The following DMD variants were observed in gnomAD, a reference collection of about 807,000 sequenced individuals.
The protein encoded by DMD is mutant dystrophin.
DMD carries 63 observed loss-of-function variants against 330.1 expected under a neutral mutation model. The observed-to-expected ratio is 0.19, with a 90% CI of 0.16 to 0.24. The LOEUF is 0.24. DMD is among the 10% of genes least tolerant of loss of function. The probability of loss-of-function intolerance (pLI) is 1.00; values close to 1 mark genes in which losing one functional copy is unlikely to be tolerated. For missense variants in DMD, 3,344 were observed against 2,684.1 expected (o/e 1.25, Z -5.43); for synonymous variants, 1,223 against 959.8 (o/e 1.27, Z -5.07).
At chrX:32,442,633 C>T (rs12689256) in intron 27 of DMD, among the ~76,000 whole-genome samples, 34,943 of 109,741 alleles carry the variant, frequency 0.32, 4,621 homozygotes, top group East Asian at 0.71. Flanking sequence ...AAGACAACAA[C>T]TCCACTTTTT....
intron 45 of DMD, among the ~76,000 whole-genome samples, chrX:31,947,339 G>T (rs1354488255): frequency 2.1e-4 from 24 of 111,737 alleles, no homozygotes; most frequent in Non-Finnish European, 5.6e-5. Flanking sequence ...TGCCCAAGCT[G>T]GTCTTGAACT....
chrX:31,426,964 C>T (rs948861034), intron 60 of DMD, among the ~76,000 whole-genome samples: 2 of 112,223 alleles, frequency 1.8e-5, no homozygotes, highest in African/African-American at 6.5e-5. Context: ...GAATATTTTA[C>T]ATTAAAAACT....
intron 41 of DMD, among the ~76,000 whole-genome samples, chrX:32,311,573 T>C (rs1311784810): frequency 2.7e-5 from 3 of 111,676 alleles, no homozygotes; most frequent in Non-Finnish European, 5.7e-5. Context: ...ATTATACCTT[T>C]TACAACATTT....
intron 41 of DMD, among the ~76,000 whole-genome samples, chrX:32,340,148 C>T (rs2097734299): frequency 9.0e-6 from 1 of 111,443 alleles, no homozygotes; most frequent in African/African-American, 3.3e-5. Context: ...ACCTATATAC[C>T]TACTTATCAT....
intron 44 of DMD, among the ~76,000 whole-genome samples, chrX:32,050,042 T>C (rs1300609425): frequency 8.9e-6 from 1 of 111,958 alleles, no homozygotes; most frequent in East Asian, 2.8e-4. Context: ...CTGACAGTTT[T>C]TTAATAAACG....
At chrX:32,194,064 C>T (rs978599654) in intron 44 of DMD, among the ~76,000 whole-genome samples, 6 of 112,341 alleles carry the variant, frequency 5.3e-5, no homozygotes, top group African/African-American at 1.6e-4. Context: ...GTGAGTATAA[C>T]TTTCAATTAT....
chrX:32,717,013 C>T (rs1004078009), intron 7 of DMD, among the ~76,000 whole-genome samples: 1 of 110,524 alleles, frequency 9.0e-6, no homozygotes, highest in African/African-American at 3.3e-5. Context: ...GAAACTGGAA[C>T]TTATATTTAA....
intron 52 of DMD, among the ~76,000 whole-genome samples, chrX:31,720,421 C>T (rs755594717): frequency 2.7e-5 from 3 of 111,450 alleles, no homozygotes; most frequent in Admixed American, 1.9e-4. Flanking sequence ...TTTATGCCCA[C>T]AGGTACCAAA....
chrX:31,949,780 T>C (rs1037041054), intron 45 of DMD, among the ~76,000 whole-genome samples: 1 of 111,572 alleles, frequency 9.0e-6, no homozygotes, highest in African/African-American at 3.2e-5. Context: ...TCATTTAATA[T>C]GTTTTGCAGA....
intron 44 of DMD, among the ~76,000 whole-genome samples, chrX:32,009,051 G>A (rs1777675553): frequency 9.0e-6 from 1 of 111,406 alleles, no homozygotes; most frequent in Admixed American, 9.6e-5. Flanking sequence ...TATAGTGAGA[G>A]ATTGGTAATG....
intron 44 of DMD, among the ~76,000 whole-genome samples, chrX:32,048,354 T>G (rs1436309135): frequency 9.3e-6 from 1 of 106,953 alleles, no homozygotes; most frequent in Non-Finnish European, 1.9e-5. Flanking sequence ...TTTAAATTTT[T>G]TTTTTCTCTT....
chrX:32,671,532 A>T (rs2061635245), intron 9 of DMD, among the ~76,000 whole-genome samples: 1 of 111,999 alleles, frequency 8.9e-6, no homozygotes, highest in African/African-American at 3.2e-5. Context: ...ACTCTCTGAT[A>T]AAAATATTAT....
intron 60 of DMD, among the ~76,000 whole-genome samples, chrX:31,426,477 C>CTT (rs1359768002): frequency 4.4e-5 from 5 of 112,365 alleles, no homozygotes; most frequent in Non-Finnish European, 9.4e-5. Flanking sequence ...ATTATGAAGT[C>CTT]TTAGCTTGGA....
At chrX:32,784,866 T>C (rs976791646) in intron 7 of DMD, among the ~76,000 whole-genome samples, 4 of 111,617 alleles carry the variant, frequency 3.6e-5, no homozygotes, top group Middle Eastern at 4.6e-3. Context: ...GTTACCTATA[T>C]ATTGTTTGTT....
intron 9 of DMD, among the ~76,000 whole-genome samples, chrX:32,658,806 T>C (rs2060759116): frequency 9.0e-6 from 1 of 111,632 alleles, no homozygotes; most frequent in South Asian, 3.7e-4. Context: ...AGTGGCCGCA[T>C]TCGGGAAACT....
chrX:33,099,605 A>C (rs2095216254), intron 1 of DMD, among the ~76,000 whole-genome samples: 1 of 111,891 alleles, frequency 8.9e-6, no homozygotes, highest in South Asian at 3.7e-4. Flanking sequence ...AAAAGTCCAA[A>C]ATATGACTTA....
intron 17 of DMD, among the ~76,000 whole-genome samples, chrX:32,542,182 G>A (rs2048546502): frequency 9.0e-6 from 1 of 111,717 alleles, no homozygotes; most frequent in Non-Finnish European, 1.9e-5. Context: ...TGTAATCCCA[G>A]CACTTTGGGA....
At chrX:32,592,045 G>A (rs1434602262) in intron 13 of DMD, among the ~76,000 whole-genome samples, 1 of 112,090 alleles carries the variant, frequency 8.9e-6, no homozygotes, top group Non-Finnish European at 1.9e-5. Flanking sequence ...GAGGCTGAGT[G>A]GGGACTGAGG....
Position 33,009,084 on chromosome X carries a change from GTA to G in DMD, c.93+11053_93+11054del, listed in dbSNP as rs72042235. On this transcript the variant is annotated intron_variant, in intron 2 of 78. Coordinates refer to ENST00000357033, the MANE Select transcript of DMD (RefSeq NM_004006.3). ...TGCATACACACATATACATATATGT[GTA>G]TATATACGTATATATGTATATATAT... 0.016 allele frequency among the ~76,000 whole-genome samples: 348 copies of G among 21,642 alleles called. 21 individuals carry two copies. The Middle Eastern group carries it at 0.2, about 12-fold the overall frequency. The allele number at this position is 21,642 out of a possible 115,157, so 18.8% of individuals were successfully genotyped here. A position where few individuals can be genotyped will look rare whatever the true frequency, so the allele number is the denominator to read the frequency against.
Sources: gnomAD v4.1 joint callset for allele counts (sites outside exome capture counted in the v4.1 genomes callset) on GRCh38, gnomAD v4.1.1 for gene constraint, MANE v1.5 for transcripts, NCBI Gene and HGNC (gene_info 2026-07-23, HGNC 2026-07-21) for gene names.